The following ACOX1 variants were observed in gnomAD, a reference collection of about 807,000 sequenced individuals.
ACOX1 encodes peroxisomal acyl-coenzyme A oxidase 1.
A neutral mutation model predicts 75.5 loss-of-function variants in ACOX1; 41 were observed. That is an observed-to-expected ratio of 0.54 (90% confidence interval 0.42 to 0.70). The LOEUF (loss-of-function observed/expected upper bound fraction) is 0.70, where lower values mean the gene tolerates loss of function less well. ACOX1 is among the 30% of genes least tolerant of loss of function. The pLI, the probability that ACOX1 is intolerant of heterozygous loss-of-function variation, is 0.00. For synonymous variants in ACOX1, 303 were observed against 298.8 expected, an observed-to-expected ratio of 1.01 and a Z score of -0.15; for missense variants, 630 against 837.5, an observed-to-expected ratio of 0.75 and a Z score of 3.06.
intron 2 of ACOX1, among the ~76,000 whole-genome samples, chr17:75,964,758 C>T (rs116914328): frequency 0.014 from 2,111 of 152,128 alleles, 31 homozygotes; most frequent in Non-Finnish European, 0.022. Context: ...AATAATTTAT[C>T]GTAAAATTAC....
chr17:75,972,141 T>A (rs1850863210), intron 2 of ACOX1, among the ~76,000 whole-genome samples: 1 of 151,820 alleles, frequency 6.6e-6, no homozygotes, highest in Non-Finnish European at 1.5e-5. Flanking sequence ...CATCCTGGCT[T>A]ACACGGTGAA....
intron 4 of ACOX1, among the ~76,000 whole-genome samples, chr17:75,956,636 G>A (rs577515435): frequency 3.0e-4 from 45 of 150,522 alleles, no homozygotes; most frequent in African/African-American, 9.6e-4. Flanking sequence ...TGCAGTGAGC[G>A]GAGATCACAC....
chr17:75,960,155 C>T lies in ACOX1; in HGVS notation c.430+60G>A. 1.2e-6 allele frequency: 2 copies of T among 1,607,052 alleles called. No homozygotes were observed. Among genetic ancestry groups the T allele is most frequent in the African/African-American group, 1.3e-5 (1 of 74,920 alleles). On this transcript the variant is annotated intron_variant, in intron 3 of 13. Transcript: ENST00000293217. The surrounding 1 kb of genome is among the most constrained non-coding windows in gnomAD (Gnocchi z 4.4). The stretch of plus-strand genomic sequence containing the variant: ...CATCGATGGCACATGGTGGGCACTC[C>T]ACACATGGTAAGCTCACAGGGGCCC...
Position 75,948,343 on chromosome 17 carries a change from C to T in ACOX1, c.1843G>A (p.Val615Met). ...ALVDAFDFQDVTLGSVLGRYD... is the reference protein window; with the variant it reads ...ALVDAFDFQDMTLGSVLGRYD... ...CGGCCAAGCACAGAGCCAAGTGTCA[C>T]ATCCTGAAAATCAAATGCATCAACC... Residue 615 changes from valine (V) to methionine (M), a missense_variant, in exon 13 of 14, where the codon GTG becomes ATG. Val to Met is a conservative substitution (Grantham distance 21). Around this residue, in one of 2 missense-constraint regions of ACOX1, gnomAD observed 240 missense variants for 262.7 expected, o/e 0.91. Transcript: ENST00000293217. 1 of 1,614,160 alleles carries T rather than the reference C, an allele frequency of 6.2e-7. No individual in the cohort carries two copies. The highest frequency in any genetic ancestry group is 8.5e-7 in the Non-Finnish European group (1 of 1,180,030).
At chr17:75,956,737 T>C (rs974735599) in intron 4 of ACOX1, among the ~76,000 whole-genome samples, 2 of 150,968 alleles carry the variant, frequency 1.3e-5, no homozygotes, top group African/African-American at 4.9e-5. Flanking sequence ...TTTTCTTTTT[T>C]TTTTTTAAGA....
In ACOX1 at chr17:75,949,525, T is replaced by G. The variant is rs760216161; in HGVS notation, c.1554A>C (p.Leu518=). 1 of 1,614,218 alleles carries G rather than the reference T, an allele frequency of 6.2e-7. No individual in the cohort carries two copies. The highest frequency in any genetic ancestry group is 8.5e-7 in the Non-Finnish European group (1 of 1,180,040). Residue 518 remains leucine (L), a synonymous_variant, in exon 11 of 14, where the codon CTA becomes CTC. Coordinates refer to ENST00000293217, the MANE Select transcript of ACOX1 (RefSeq NM_004035.7). Reference sequence around the variant, plus strand: ...TTGCTCGAACAAGGTCAACAGAAGTTAGGTTCCAAGCTACCTCCTTGCTTT... The same window carrying G: ...TTGCTCGAACAAGGTCAACAGAAGTGAGGTTCCAAGCTACCTCCTTGCTTT... ...HRKSKEVAWN[L]TSVDLVRASE... is the part of the protein sequence containing the mutation.
At position 75,978,655 on chromosome 17, in the gene ACOX1, C is replaced by T; in HGVS notation, c.148G>A (p.Asp50Asn). 1.2e-6 allele frequency: 2 copies of T among 1,614,218 alleles called. No individual in the cohort carries two copies. The highest frequency in any genetic ancestry group is 1.1e-5 in the South Asian group (1 of 91,086). The change falls in exon 2 of 14, where the codon GAC (aspartate) becomes AAC (asparagine). Residue 50 changes from aspartate to asparagine, a missense_variant. Asp to Asn is a conservative substitution (Grantham distance 23). Transcript: ENST00000293217. The surrounding 1 kb of genome is among the most constrained non-coding windows in gnomAD (Gnocchi z 4.2). ...TGGCTGCGAGTGAGGAAGTTCAAGTCCTCATGCTGGAAGTCTGGGTCGTTC... is the reference window on the plus strand; with the variant it reads ...TGGCTGCGAGTGAGGAAGTTCAAGTTCTCATGCTGGAAGTCTGGGTCGTTC... ...ILNDPDFQHE[D>N]LNFLTRSQRY...
chr17:75,944,398 T>C lies in ACOX1; in HGVS notation c.*2350A>G, dbSNP rs1386992189. 6.6e-6 allele frequency: 1 copy of C among 152,176 alleles called. No homozygotes were observed. Among genetic ancestry groups the C allele is most frequent in the Non-Finnish European group, 1.5e-5 (1 of 68,022 alleles). 9.4% of individuals were successfully genotyped at this position (152,176 alleles called of 1,614,324 possible). A position where few individuals can be genotyped will look rare whatever the true frequency, so the allele number is the denominator to read the frequency against. On this transcript the variant is annotated 3_prime_UTR_variant, in exon 14 of 14. Transcript: ENST00000293217. The stretch of plus-strand genomic sequence containing the variant: ...GAACAAACTGGACTTGCCACTTCCT[T>C]TAAGGTACAGCCAACAAATGTGTAC...
chr17:75,969,354 C>T (rs948656030), intron 2 of ACOX1, among the ~76,000 whole-genome samples: 5 of 151,684 alleles, frequency 3.3e-5, no homozygotes, highest in African/African-American at 9.7e-5. Flanking sequence ...TTAGTACGGA[C>T]GGGGTTTCTC....
intron 13 of ACOX1, among the ~76,000 whole-genome samples, chr17:75,947,333 C>T (rs1014746128): frequency 6.6e-6 from 1 of 151,388 alleles, no homozygotes; most frequent in African/African-American, 2.4e-5. Context: ...CCGCAACCTC[C>T]GCCTCCCAGG....
chr17:75,978,883 C>T lies in ACOX1; in HGVS notation c.109+82G>A, dbSNP rs772210462. On this transcript the variant is annotated intron_variant, in intron 1 of 13. Coordinates refer to ENST00000293217, the MANE Select transcript of ACOX1 (RefSeq NM_004035.7). This position sits in a 1 kb window ranked among gnomAD's most constrained non-coding sequence, Gnocchi z 4.2. ...CTAACGCTGGGCCAGAGGGCCTAGG[C>T]CCCACAGCGCCCCTGACTCCGCATC... The T allele has an allele frequency of 1.9e-6, 3 of 1,600,682 alleles. No homozygotes were observed. Among genetic ancestry groups the T allele is most frequent in the Admixed American group, 1.7e-5 (1 of 59,770 alleles).
intron 7 of ACOX1, among the ~76,000 whole-genome samples, chr17:75,952,241 G>A (rs546120766): frequency 6.6e-6 from 1 of 152,230 alleles, no homozygotes; most frequent in Non-Finnish European, 1.5e-5. Context: ...ATTTTGAAGT[G>A]TAAGAATTAG....
At chr17:75,974,031 T>C (rs1407815579) in intron 2 of ACOX1, among the ~76,000 whole-genome samples, 1 of 152,222 alleles carries the variant, frequency 6.6e-6, no homozygotes, top group Admixed American at 6.6e-5. Context: ...TTACATTTAA[T>C]CCACTAAGCA....
At chr17:75,968,605 GAAAAAA>G (rs56009651) in intron 2 of ACOX1, among the ~76,000 whole-genome samples, 15 of 69,242 alleles carry the variant, frequency 2.2e-4, no homozygotes, top group Admixed American at 7.7e-4. Flanking sequence ...GACTCCGCCT[GAAAAAA>G]AAAAAAAAAA....
intron 10 of ACOX1, 57 bp downstream of exon 10, chr17:75,949,661 A>G: frequency 2.5e-6 from 4 of 1,613,496 alleles, no homozygotes; most frequent in Non-Finnish European, 3.4e-6. Flanking sequence ...CCTTCTTGCC[A>G]TCTGTCAGGG....
At chr17:75,965,973 T>C (rs1019045554) in intron 2 of ACOX1, among the ~76,000 whole-genome samples, 3 of 150,704 alleles carry the variant, frequency 2.0e-5, no homozygotes, top group African/African-American at 7.3e-5. Context: ...CTACTAAAAA[T>C]ACAAAAATTA....
At chr17:75,952,890 G>A (rs1455184719) in intron 7 of ACOX1, among the ~76,000 whole-genome samples, 1 of 151,694 alleles carries the variant, frequency 6.6e-6, no homozygotes, top group African/African-American at 2.4e-5. Context: ...GCTCAAGTTG[G>A]CCTCAAACTC....
intron 2 of ACOX1, among the ~76,000 whole-genome samples, chr17:75,971,853 C>T (rs1274434798): frequency 6.6e-6 from 1 of 152,156 alleles, no homozygotes; most frequent in Admixed American, 6.6e-5. Flanking sequence ...AATCCATTAG[C>T]CTCAGACTAT....
At chr17:75,975,050 C>CAAAAAAAAAAAAA (rs1022347068) in intron 2 of ACOX1, among the ~76,000 whole-genome samples, 3 of 40,258 alleles carry the variant, frequency 7.5e-5, no homozygotes, top group African/African-American at 1.0e-4. Flanking sequence ...ACTCTGTCTC[C>CAAAAAAAAAAAAA]AAAAAAAAAA....
Sources: allele counts gnomAD v4.1 joint callset (sites outside exome capture counted in the v4.1 genomes callset), GRCh38; gene constraint gnomAD v4.1.1; regional missense constraint gnomAD v4.1.1; non-coding constraint Gnocchi (gnomAD v3.1); transcripts MANE v1.5; gene names NCBI Gene and HGNC (gene_info 2026-07-23, HGNC 2026-07-21).